PIEZO2: variants seen among roughly 807,000 people sequenced by gnomAD.
The protein encoded by PIEZO2 is piezo-type mechanosensitive ion channel component 2.
In PIEZO2, 172 loss-of-function variants were observed where a neutral mutation model predicts 337.3. The observed-to-expected ratio is 0.51, with a 90% CI of 0.45 to 0.58. The LOEUF is 0.58. Among genes scored for constraint, PIEZO2 ranks in the 20% least tolerant of loss-of-function variants. PIEZO2 has a pLI of 0.00. For missense variants in PIEZO2, 3,028 were observed against 3,391.3 expected (o/e 0.89, Z 2.66); for synonymous variants, 1,251 against 1,228.5 (o/e 1.02, Z -0.38).
intron 2 of PIEZO2, among the ~76,000 whole-genome samples, chr18:10,983,388 A>C (rs1462062630): frequency 6.6e-6 from 1 of 152,188 alleles, no homozygotes; most frequent in Admixed American, 6.5e-5. Flanking sequence ...CCCTCCCTCA[A>C]GGTGGCACAA....
intron 1 of PIEZO2, among the ~76,000 whole-genome samples, chr18:11,113,811 A>G (rs2039807689): frequency 6.6e-6 from 1 of 152,242 alleles, no homozygotes. Context: ...GTGACAAGAA[A>G]GAAAGATCAG....
chr18:10,861,209 C>T lies in PIEZO2; in HGVS notation c.493-3998G>A, dbSNP rs920467602. 6.6e-6 allele frequency among the ~76,000 whole-genome samples: 1 copy of T among 152,212 alleles called. No individual in the cohort carries two copies. Among genetic ancestry groups the T allele is most frequent in the Non-Finnish European group, 1.5e-5 (1 of 68,042 alleles). ...AAGCTGTCCCTGCAGCGGAACAGAA[C>T]TTCAATCTGGCCTTGAGGCTAAGGA... On this transcript the variant is annotated intron_variant, in intron 5 of 55. Coordinates refer to ENST00000674853, the MANE Select transcript of PIEZO2 (RefSeq NM_001378183.1). The surrounding 1 kb of genome is among the most constrained non-coding windows in gnomAD (Gnocchi z 4.3).
chr18:10,699,173 T>A lies in PIEZO2; in HGVS notation c.6446A>T (p.His2149Leu). Residue 2149 changes from histidine to leucine, a missense_variant, in exon 44 of 56, where the codon CAT becomes CTT. Around this residue, in one of 5 missense-constraint regions of PIEZO2, gnomAD observed 1,925 missense variants for 2,051.9 expected, o/e 0.94. Transcript: ENST00000674853. ...LFFHRSILKCHGLWDEDDMTE... is the reference protein window; with the variant it reads ...LFFHRSILKCLGLWDEDDMTE... ...CATGTCATCTTCATCCCATAAGCCA[T>A]GGCACTGAGAAAGCAGGGACAGGGA... 1 of 1,537,262 alleles carries A rather than the reference T, an allele frequency of 6.5e-7. No individual in the cohort carries two copies. Among genetic ancestry groups the A allele is most frequent in the Non-Finnish European group, 8.7e-7 (1 of 1,146,908 alleles).
At chr18:10,804,361 G>T (rs2039927017) in intron 8 of PIEZO2, among the ~76,000 whole-genome samples, 1 of 152,188 alleles carries the variant, frequency 6.6e-6, no homozygotes, top group Non-Finnish European at 1.5e-5. Context: ...CCAGCTGCCG[G>T]CAATCTTCAA....
intron 2 of PIEZO2, among the ~76,000 whole-genome samples, chr18:10,987,192 G>T (rs9949719): frequency 0.038 from 5,836 of 151,978 alleles, 357 homozygotes; most frequent in African/African-American, 0.13. Flanking sequence ...ATTTTTCACA[G>T]AAATAGAAAA....
intron 2 of PIEZO2, among the ~76,000 whole-genome samples, chr18:11,049,070 T>C (rs2037422434): frequency 6.6e-6 from 1 of 152,042 alleles, no homozygotes; most frequent in Non-Finnish European, 1.5e-5. Context: ...ACTCAAAAAA[T>C]ACATAAACAA....
intron 7 of PIEZO2, among the ~76,000 whole-genome samples, chr18:10,839,535 C>A (rs772084522): frequency 6.6e-6 from 1 of 152,080 alleles, no homozygotes; most frequent in Non-Finnish European, 1.5e-5. Flanking sequence ...GCTTTTCCTC[C>A]CATAGAATTA....
Position 10,716,529 on chromosome 18 carries a change from G to A in PIEZO2, c.5090-713C>T, listed in dbSNP as rs1370049503. Among the ~76,000 whole-genome samples the A allele has an allele frequency of 6.6e-6, 1 of 152,172 alleles. No homozygotes were observed. Among genetic ancestry groups the A allele is most frequent in the African/African-American group, 2.4e-5 (1 of 41,428 alleles). On this transcript the variant is annotated intron_variant, in intron 37 of 55. Coordinates refer to ENST00000674853, the MANE Select transcript of PIEZO2 (RefSeq NM_001378183.1). The surrounding 1 kb of genome is among the most constrained non-coding windows in gnomAD (Gnocchi z 4.1). ...AGGTACATTTAAGAAGCAAGGAAAAGAGCGGGTATCTTTTGCTGAGCAAGG... is the reference window on the plus strand; with the variant it reads ...AGGTACATTTAAGAAGCAAGGAAAAAAGCGGGTATCTTTTGCTGAGCAAGG...
chr18:10,938,702 T>G (rs924193437), intron 3 of PIEZO2, among the ~76,000 whole-genome samples: 1 of 152,238 alleles, frequency 6.6e-6, no homozygotes, highest in African/African-American at 2.4e-5. Flanking sequence ...ATAAATTAAT[T>G]TATGTTGAAC....
chr18:11,120,751 T>C (rs1247085915), intron 1 of PIEZO2, among the ~76,000 whole-genome samples: 2 of 152,258 alleles, frequency 1.3e-5, no homozygotes, highest in African/African-American at 2.4e-5. Flanking sequence ...GCTTTGAGGA[T>C]ATTCATGTAA....
intron 43 of PIEZO2, among the ~76,000 whole-genome samples, chr18:10,700,811 C>T (rs1368927443): frequency 2.0e-5 from 3 of 152,162 alleles, no homozygotes; most frequent in Non-Finnish European, 2.9e-5. Flanking sequence ...AACAGAAGAA[C>T]TGTAAGATTT....
intron 9 of PIEZO2, among the ~76,000 whole-genome samples, chr18:10,802,922 A>T (rs183846400): frequency 2.7e-3 from 412 of 151,648 alleles, no homozygotes; most frequent in Non-Finnish European, 3.7e-3. Context: ...CAGTGAGCCA[A>T]GATCACACCA....
chr18:11,063,936 G>A (rs150465721), intron 2 of PIEZO2, among the ~76,000 whole-genome samples: 42 of 152,104 alleles, frequency 2.8e-4, no homozygotes, highest in East Asian at 1.7e-3. Flanking sequence ...ATGTCTAACC[G>A]GGGTGTCTAA....
intron 15 of PIEZO2, among the ~76,000 whole-genome samples, chr18:10,788,661 T>G (rs2039313379): frequency 1.3e-5 from 2 of 152,196 alleles, no homozygotes; most frequent in Admixed American, 1.3e-4. Flanking sequence ...CACTGCAGCC[T>G]TGACCTCCTG....
intron 4 of PIEZO2, among the ~76,000 whole-genome samples, chr18:10,871,746 G>C (rs1014864074): frequency 2.0e-5 from 3 of 152,190 alleles, no homozygotes; most frequent in African/African-American, 7.2e-5. Context: ...AGCTGAAGCA[G>C]TCTAAAACTA....
rs1399621747 is a variant in PIEZO2 at position 10,727,671 on chromosome 18, G to A, written c.5029+3736C>T. 1 of 152,396 alleles carries A rather than the reference G, an allele frequency of 6.6e-6. No individual in the cohort carries two copies. Among genetic ancestry groups the A allele is most frequent in the African/African-American group, 2.4e-5 (1 of 41,410 alleles). The allele number at this position is 152,396 out of a possible 1,614,324, so 9.4% of individuals were successfully genotyped here. ...ACATACAGAGTGATTCAGGCCTTGT[G>A]AATCAAGCCCAAGAGCTCCCTTGGC... On this transcript the variant is annotated intron_variant, in intron 36 of 55. Transcript: ENST00000674853. The surrounding 1 kb of genome is among the most constrained non-coding windows in gnomAD (Gnocchi z 6.3).
chr18:10,701,786 T>C (rs966266684), intron 43 of PIEZO2: 8 of 442,366 alleles, frequency 1.8e-5, no homozygotes, highest in Non-Finnish European at 3.1e-5. Flanking sequence ...ACCACAAGTG[T>C]TGGAAAAAAT....
chr18:11,133,724 C>CA (rs1294900711), intron 1 of PIEZO2, among the ~76,000 whole-genome samples: 1 of 151,930 alleles, frequency 6.6e-6, no homozygotes, highest in Non-Finnish European at 1.5e-5. Context: ...TCTCCCTGCT[C>CA]CTCAGCTTGC....
Position 11,096,321 on chromosome 18 carries a change from T to C in PIEZO2, c.65-30099A>G, listed in dbSNP as rs768839881. ...TGTCCTGCTACCAAATACCATTTCA[T>C]TGGCTTCTGTGATAATTTGCTTGGC... On this transcript the variant is annotated intron_variant, in intron 1 of 55. Coordinates refer to ENST00000674853, the MANE Select transcript of PIEZO2 (RefSeq NM_001378183.1). The surrounding 1 kb of genome is among the most constrained non-coding windows in gnomAD (Gnocchi z 4.6). 6.6e-5 allele frequency among the ~76,000 whole-genome samples: 10 copies of C among 152,230 alleles called. No individual in the cohort carries two copies. Among genetic ancestry groups the C allele is most frequent in the African/African-American group, 1.2e-4 (5 of 41,470 alleles).
Sources: gnomAD v4.1 joint callset for allele counts (sites outside exome capture counted in the v4.1 genomes callset) on GRCh38, gnomAD v4.1.1 for gene constraint, gnomAD v4.1.1 regional missense constraint, Gnocchi (gnomAD v3.1) non-coding constraint, MANE v1.5 for transcripts, NCBI Gene and HGNC (gene_info 2026-07-23, HGNC 2026-07-21) for gene names.